TRNT1: variants seen among roughly 807,000 people sequenced by gnomAD.
The protein encoded by TRNT1 is CCA tRNA nucleotidyltransferase 1, mitochondrial.
In TRNT1, 44 loss-of-function variants were observed where a neutral mutation model predicts 45.6. The ratio of observed to expected loss-of-function variants is 0.97; its 90% CI spans 0.76 to 1.24. The LOEUF is 1.24. TRNT1 is among the 50% of genes most tolerant of loss of function. The pLI is 0.00. For missense variants in TRNT1, 633 were observed against 504.4 expected, an observed-to-expected ratio of 1.25 and a Z score of -2.44; for synonymous variants, 201 against 171.4, an observed-to-expected ratio of 1.17 and a Z score of -1.35.
At chr3:3,130,919 T>C (rs1704979777) in intron 2 of TRNT1, among the ~76,000 whole-genome samples, 1 of 151,686 alleles carries the variant, frequency 6.6e-6, no homozygotes, top group Non-Finnish European at 1.5e-5. Flanking sequence ...CCATCTCTAC[T>C]AAAAATATGA....
chr3:3,138,314 G>T (rs1043424665), intron 3 of TRNT1, among the ~76,000 whole-genome samples: 7 of 152,260 alleles, frequency 4.6e-5, no homozygotes, highest in Admixed American at 1.3e-4. Flanking sequence ...TTTTTACTCA[G>T]AAATTTAAAG....
At chr3:3,133,888 C>T (rs540685518) in intron 2 of TRNT1, among the ~76,000 whole-genome samples, 73 of 151,936 alleles carry the variant, frequency 4.8e-4, no homozygotes, top group Admixed American at 9.2e-4. Context: ...AGCCTCCAGT[C>T]GTCAAAATTT....
intron 2 of TRNT1, chr3:3,130,054 A>C (rs1232059674): frequency 1.6e-6 from 2 of 1,227,982 alleles, no homozygotes; most frequent in African/African-American, 3.0e-5. Context: ...CTGTTGCCAC[A>C]GTTTCATTAG....
chr3:3,143,018 G>C (rs1705752724), intron 4 of TRNT1, among the ~76,000 whole-genome samples: 1 of 152,150 alleles, frequency 6.6e-6, no homozygotes, highest in East Asian at 1.9e-4. Flanking sequence ...TGTTGCTTTT[G>C]GGATAATCAG....
chr3:3,132,709 A>T (rs1286955663), intron 2 of TRNT1, among the ~76,000 whole-genome samples: 4 of 146,200 alleles, frequency 2.7e-5, no homozygotes, highest in East Asian at 4.1e-4. Flanking sequence ...AAAAAATAAA[A>T]AAAAACATAT....
At chr3:3,127,799 T>G (rs1704686136) in intron 1 of TRNT1, 2 of 151,700 alleles carry the variant, frequency 1.3e-5, no homozygotes, top group African/African-American at 4.8e-5. Context: ...CTGGGGAGAG[T>G]GTCATCACAG....
intron 3 of TRNT1, among the ~76,000 whole-genome samples, chr3:3,138,765 C>T (rs186135345): frequency 1.3e-5 from 2 of 152,274 alleles, no homozygotes; most frequent in Non-Finnish European, 1.5e-5. Context: ...TGGAAAGCTT[C>T]CCGTTCATGT....
At chr3:3,138,060 G>A (rs576249060) in intron 3 of TRNT1, among the ~76,000 whole-genome samples, 2 of 152,176 alleles carry the variant, frequency 1.3e-5, no homozygotes, top group Non-Finnish European at 2.9e-5. Context: ...TTTCAATTGG[G>A]TTTTTGGGAA....
At chr3:3,130,620 T>G (rs111601110) in intron 2 of TRNT1, 1 of 152,268 alleles carries the variant, frequency 6.6e-6, no homozygotes, top group Non-Finnish European at 1.5e-5. Flanking sequence ...ATATGTAATA[T>G]AAACTTTTTT....
chr3:3,127,506 A>T (rs189178), intron 1 of TRNT1: 80,140 of 152,270 alleles, frequency 0.53, 23,723 homozygotes, highest in Middle Eastern at 0.7. Context: ...GGACCCCCGT[A>T]TGGGGAGAAC....
chr3:3,147,710 A>AAG lies in TRNT1; in HGVS notation c.1056+7_1056+8insAG, dbSNP rs767295484. 3.4e-5 allele frequency: 55 copies of AAG among 1,597,654 alleles called. No individual in the cohort carries two copies. The highest frequency in any genetic ancestry group is 4.3e-5 in the Non-Finnish European group (50 of 1,172,484). On this transcript the variant is annotated splice_region_variant and intron_variant, in intron 7 of 7. Coordinates refer to ENST00000251607, the MANE Select transcript of TRNT1 (RefSeq NM_182916.3). The stretch of plus-strand genomic sequence containing the variant: ...TCAAGACTTCATTATAGATGTAAGT[A>AAG]TATACTAGGCTTGGTCAGAAATATG...
At chr3:3,135,830 C>T (rs1046194902) in intron 2 of TRNT1, among the ~76,000 whole-genome samples, 18 of 152,170 alleles carry the variant, frequency 1.2e-4, no homozygotes, top group Admixed American at 1.2e-3. Context: ...TGGGTTGTTA[C>T]TCCTGGCAGT....
chr3:3,152,578 T>TA, downstream of TRNT1: 1 of 1,614,048 alleles, frequency 6.2e-7, no homozygotes, highest in Non-Finnish European at 8.5e-7. Context: ...TCGGCCCACA[T>TA]AAGGATAAAC....
intron 2 of TRNT1, chr3:3,131,404 T>C (rs1043181290): frequency 3.3e-5 from 5 of 152,208 alleles, no homozygotes; most frequent in African/African-American, 1.2e-4. Flanking sequence ...GTTCTAAATA[T>C]TGATTACTAT....
chr3:3,129,275 T>G, intron 2 of TRNT1, 87 bp downstream of exon 2: 2 of 1,196,574 alleles, frequency 1.7e-6, no homozygotes, highest in Non-Finnish European at 2.4e-6. Flanking sequence ...CATTCGGATA[T>G]TTTCATTGTT....
downstream of TRNT1, chr3:3,150,966 A>T (rs781294762): frequency 1.9e-6 from 3 of 1,614,094 alleles, no homozygotes; most frequent in East Asian, 2.2e-5. Flanking sequence ...TTTTGAGGTG[A>T]CATGTCTTTT....
downstream of TRNT1, among the ~76,000 whole-genome samples, chr3:3,151,453 A>T (rs1706544214): frequency 6.6e-6 from 1 of 152,090 alleles, no homozygotes; most frequent in South Asian, 2.1e-4. Context: ...CTTCTGTCTG[A>T]GTTAAACTGG....
chr3:3,149,423 T>C (rs1394108144), downstream of TRNT1: 1 of 151,090 alleles, frequency 6.6e-6, no homozygotes, highest in Admixed American at 6.7e-5. Flanking sequence ...GTATAGTATA[T>C]GTGTGTTTTT....
At chr3:3,150,071 A>ATAAT (rs1706397158), downstream of TRNT1, 1 of 152,326 alleles carries the variant, frequency 6.6e-6, no homozygotes, top group Non-Finnish European at 1.5e-5. Context: ...ATTGAACAAA[A>ATAAT]TAATACAGTA....
Sources: gnomAD v4.1 joint callset for allele counts (sites outside exome capture counted in the v4.1 genomes callset) on GRCh38, gnomAD v4.1.1 for gene constraint, MANE v1.5 for transcripts, NCBI Gene and HGNC (gene_info 2026-07-23, HGNC 2026-07-21) for gene names.